The following SYNJ2BP variants were observed in gnomAD, a reference collection of about 807,000 sequenced individuals.
SYNJ2BP encodes synaptojanin-2-binding protein.
SYNJ2BP carries 10 observed loss-of-function variants against 16.9 expected under a neutral mutation model. The ratio of observed to expected loss-of-function variants is 0.59; its 90% CI spans 0.36 to 1.00. SYNJ2BP has a LOEUF of 1.00. SYNJ2BP is among the 50% of genes least tolerant of loss of function. SYNJ2BP has a pLI of 0.01. For synonymous variants in SYNJ2BP, 54 were observed against 68.4 expected, an observed-to-expected ratio of 0.79 and a Z score of 1.04; for missense variants, 162 against 186.7, an observed-to-expected ratio of 0.87 and a Z score of 0.77.
intron 1 of SYNJ2BP, among the ~76,000 whole-genome samples, chr14:70,396,021 T>C (rs1888084553): frequency 6.6e-6 from 1 of 152,258 alleles, no homozygotes; most frequent in Non-Finnish European, 1.5e-5. Flanking sequence ...CCACATTTTA[T>C]TTACCTATTC....
At chr14:70,397,501 G>A (rs1888126311) in intron 1 of SYNJ2BP, among the ~76,000 whole-genome samples, 1 of 152,182 alleles carries the variant, frequency 6.6e-6, no homozygotes, top group South Asian at 2.1e-4. Flanking sequence ...TTTCTGGCAG[G>A]AGACCTCTGT....
rs779668273 is a variant in SYNJ2BP, at chr14:70,407,362, G to A, written c.64+9538C>T. On this transcript the variant is annotated intron_variant, in intron 1 of 3. Coordinates refer to ENST00000256366, the MANE Select transcript of SYNJ2BP (RefSeq NM_018373.3). ...AGAATGGCGTGATCTCCTGGGAGGC[G>A]GAGCTTGCAGTGAGCCGAGATTGTG... is the stretch of plus-strand genomic sequence containing the variant. Among the ~76,000 whole-genome samples the A allele has an allele frequency of 7.3e-5, 11 of 151,666 alleles. No homozygotes were observed. The East Asian group carries it at 1.2e-3, about 16-fold the overall frequency.
At chr14:70,404,231 A>AT (rs1388367232) in intron 1 of SYNJ2BP, among the ~76,000 whole-genome samples, 1 of 152,164 alleles carries the variant, frequency 6.6e-6, no homozygotes, top group African/African-American at 2.4e-5. Flanking sequence ...GGAGTGAGCC[A>AT]TAATAGCACC....
At chr14:70,397,526 AG>A (rs1330464672) in intron 1 of SYNJ2BP, among the ~76,000 whole-genome samples, 1 of 152,206 alleles carries the variant, frequency 6.6e-6, no homozygotes, top group African/African-American at 2.4e-5. Context: ...CTGCTGCAGC[AG>A]GGTGGGCAGC....
intron 1 of SYNJ2BP, among the ~76,000 whole-genome samples, chr14:70,402,906 A>G (rs73290356): frequency 1.3e-3 from 195 of 152,324 alleles, no homozygotes; most frequent in African/African-American, 4.6e-3. Context: ...CTCCATTTGT[A>G]AGGACATGCC....
chr14:70,376,208 C>G (rs1594941382), intron 2 of SYNJ2BP, among the ~76,000 whole-genome samples: 2 of 152,352 alleles, frequency 1.3e-5, no homozygotes, highest in East Asian at 3.9e-4. Context: ...ATGAAACTCT[C>G]CACCAATTTA....
At chr14:70,398,870 C>T (rs570586029) in intron 1 of SYNJ2BP, among the ~76,000 whole-genome samples, 3 of 152,268 alleles carry the variant, frequency 2.0e-5, no homozygotes, top group Middle Eastern at 3.4e-3. Context: ...CGCCCTGGCG[C>T]TGAGGGGTGG....
chr14:70,392,361 C>T (rs1341551013), intron 1 of SYNJ2BP, among the ~76,000 whole-genome samples: 1 of 152,164 alleles, frequency 6.6e-6, no homozygotes, highest in Non-Finnish European at 1.5e-5. Context: ...AAGTTTATAA[C>T]TTACCAGATA....
chr14:70,388,749 G>T, intron 1 of SYNJ2BP, 143 bp from the exon 2 acceptor site: 1 of 1,259,632 alleles, frequency 7.9e-7, no homozygotes, highest in Non-Finnish European at 1.0e-6. Flanking sequence ...CTGTGATGGA[G>T]CTGGTGAATG....
chr14:70,404,109 T>C (rs922505241), intron 1 of SYNJ2BP, among the ~76,000 whole-genome samples: 1 of 151,920 alleles, frequency 6.6e-6, no homozygotes, highest in Non-Finnish European at 1.5e-5. Flanking sequence ...CTAACATCCA[T>C]AAGGCCAGGA....
At chr14:70,413,377 G>A (rs183019342) in intron 1 of SYNJ2BP, among the ~76,000 whole-genome samples, 1 of 152,204 alleles carries the variant, frequency 6.6e-6, no homozygotes, top group African/African-American at 2.4e-5. Context: ...GGTGGCTCAC[G>A]CCTGTAATCC....
intron 2 of SYNJ2BP, among the ~76,000 whole-genome samples, chr14:70,383,607 A>C (rs982460284): frequency 1.3e-5 from 2 of 152,200 alleles, no homozygotes; most frequent in African/African-American, 4.8e-5. Context: ...CTTAATAAAA[A>C]TGTCATGTTC....
In SYNJ2BP at chr14:70,372,609, AG is replaced by A. The variant is rs1056934731; in HGVS notation, c.*381del. ...AATTTCCCAAGGAAGATCATTAAAA[AG>A]AAAAATCCTTTCTTCCTCTAATATC... On this transcript the variant is annotated 3_prime_UTR_variant, in exon 4 of 4. Coordinates refer to ENST00000256366, the MANE Select transcript of SYNJ2BP (RefSeq NM_018373.3). 6.1e-6 allele frequency: 1 copy of A among 164,066 alleles called. No individual in the cohort carries two copies. The highest frequency in any genetic ancestry group is 2.4e-5 in the African/African-American group (1 of 41,876). 10.2% of individuals were successfully genotyped at this position (164,066 alleles called of 1,614,324 possible).
At chr14:70,398,449 C>G (rs1384609252) in intron 1 of SYNJ2BP, among the ~76,000 whole-genome samples, 1 of 152,234 alleles carries the variant, frequency 6.6e-6, no homozygotes, top group Non-Finnish European at 1.5e-5. Flanking sequence ...CAGGATTCCC[C>G]TCATGCTTGT....
At chr14:70,395,724 A>G (rs1001156147) in intron 1 of SYNJ2BP, among the ~76,000 whole-genome samples, 1 of 152,206 alleles carries the variant, frequency 6.6e-6, no homozygotes, top group Admixed American at 6.5e-5. Flanking sequence ...AATCATCACC[A>G]CCACCTATAT....
At chr14:70,402,917 C>A (rs1431175417) in intron 1 of SYNJ2BP, among the ~76,000 whole-genome samples, 1 of 152,102 alleles carries the variant, frequency 6.6e-6, no homozygotes, top group African/African-American at 2.4e-5. Context: ...AGGACATGCC[C>A]CTATACCCAA....
rs113922278 is a variant in SYNJ2BP at position 70,400,754 on chromosome 14, T to A, written c.65-12148A>T. On this transcript the variant is annotated intron_variant, in intron 1 of 3. Coordinates refer to ENST00000256366, the MANE Select transcript of SYNJ2BP (RefSeq NM_018373.3). Reference sequence around the variant, plus strand: ...ACCTTGCATGTAAATCTATCCTCAGTAGTCTCAATTACATGTTATAATGGT... The same window carrying A: ...ACCTTGCATGTAAATCTATCCTCAGAAGTCTCAATTACATGTTATAATGGT... 2.6e-4 allele frequency among the ~76,000 whole-genome samples: 39 copies of A among 152,362 alleles called. 1 individual carries two copies. Among genetic ancestry groups the A allele is most frequent in the African/African-American group, 9.4e-4 (39 of 41,592 alleles).
intron 1 of SYNJ2BP, among the ~76,000 whole-genome samples, chr14:70,399,880 C>A (rs1221903778): frequency 6.6e-6 from 1 of 152,136 alleles, no homozygotes; most frequent in African/African-American, 2.4e-5. Flanking sequence ...TAAAAGGGAG[C>A]CATCATCCGA....
intron 1 of SYNJ2BP, among the ~76,000 whole-genome samples, chr14:70,399,769 T>A (rs1490306807): frequency 6.6e-6 from 1 of 152,140 alleles, no homozygotes; most frequent in Non-Finnish European, 1.5e-5. Flanking sequence ...AACAGGAGAT[T>A]TTCTCTCAGG....
Sources: gnomAD v4.1 joint callset for allele counts (sites outside exome capture counted in the v4.1 genomes callset) on GRCh38, gnomAD v4.1.1 for gene constraint, MANE v1.5 for transcripts, NCBI Gene and HGNC (gene_info 2026-07-23, HGNC 2026-07-21) for gene names.